Variants in CACNG4 observed in about 807,000 individuals in gnomAD.
CACNG4 encodes calcium voltage-gated channel auxiliary subunit gamma 4, also known as voltage-dependent calcium channel gamma-4 subunit.
In CACNG4, 8 loss-of-function variants were observed where a neutral mutation model predicts 22.9. The observed-to-expected ratio is 0.35, with a 90% confidence interval of 0.21 to 0.63. The LOEUF is 0.63. Among genes scored for constraint, CACNG4 ranks in the 30% least tolerant of loss-of-function variants. CACNG4 has a pLI of 0.72. For missense variants in CACNG4, 357 were observed against 455.4 expected, an observed-to-expected ratio of 0.78 and a Z score of 1.97; for synonymous variants, 188 against 191.9, an observed-to-expected ratio of 0.98 and a Z score of 0.17.
chr17:67,026,124 T>C (rs962618415), intron 3 of CACNG4, among the ~76,000 whole-genome samples: 13 of 149,974 alleles, frequency 8.7e-5, no homozygotes, highest in Admixed American at 5.3e-4. Flanking sequence ...TGTGTGTGTA[T>C]TTGAGGACTG....
chr17:67,031,442 T>C lies in CACNG4; in HGVS notation c.*438T>C, dbSNP rs1388464814. Reference sequence around the variant, plus strand: ...GCTCTGCCGGACGCCAAGAAGACGGTCTCTGGGCTCTTGTCAGCTGCTTTT... The same window carrying C: ...GCTCTGCCGGACGCCAAGAAGACGGCCTCTGGGCTCTTGTCAGCTGCTTTT... On this transcript the variant is annotated 3_prime_UTR_variant, in exon 4 of 4. Transcript: ENST00000262138. The surrounding 1 kb of genome is among the most constrained non-coding windows in gnomAD (Gnocchi z 4.0). 8.7e-6 allele frequency: 4 copies of C among 460,102 alleles called. No homozygotes were observed. The highest frequency in any genetic ancestry group is 3.2e-4 in the Middle Eastern group (1 of 3,108). The allele number at this position is 460,102 out of a possible 1,614,324, so 28.5% of individuals were successfully genotyped here.
intron 1 of CACNG4, among the ~76,000 whole-genome samples, chr17:66,966,690 GCTT>G (rs1276107821): frequency 3.9e-5 from 6 of 152,178 alleles, no homozygotes; most frequent in Admixed American, 1.3e-4. Context: ...AAAAGAGGCT[GCTT>G]TGCCCTTTGC....
intron 1 of CACNG4, among the ~76,000 whole-genome samples, chr17:66,974,382 A>G (rs967413647): frequency 6.6e-6 from 1 of 152,232 alleles, no homozygotes; most frequent in Admixed American, 6.5e-5. Flanking sequence ...ACATTCTGTT[A>G]AAATGGACTC....
At chr17:66,981,742 A>G (rs903721719) in intron 1 of CACNG4, among the ~76,000 whole-genome samples, 1 of 152,196 alleles carries the variant, frequency 6.6e-6, no homozygotes, top group Admixed American at 6.5e-5. Flanking sequence ...AGAATTATGA[A>G]TAGTTTAAAA....
At chr17:66,986,423 C>T (rs2035306112) in intron 1 of CACNG4, among the ~76,000 whole-genome samples, 1 of 152,030 alleles carries the variant, frequency 6.6e-6, no homozygotes, top group South Asian at 2.1e-4. Context: ...GGGGATGAGT[C>T]CTGAATTAGG....
At chr17:67,007,813 A>G (rs1488151912) in intron 1 of CACNG4, among the ~76,000 whole-genome samples, 1 of 152,204 alleles carries the variant, frequency 6.6e-6, no homozygotes, top group Non-Finnish European at 1.5e-5. Flanking sequence ...GTAACAGTCC[A>G]AATGGGTGGC....
intron 1 of CACNG4, among the ~76,000 whole-genome samples, chr17:67,009,726 T>C (rs1352303345): frequency 1.3e-5 from 2 of 152,184 alleles, no homozygotes; most frequent in East Asian, 1.9e-4. Context: ...TCCTGGTTTA[T>C]AGACGGTGCC....
chr17:67,002,192 G>A (rs187400983), intron 1 of CACNG4, among the ~76,000 whole-genome samples: 26 of 152,306 alleles, frequency 1.7e-4, no homozygotes, highest in South Asian at 6.2e-4. Context: ...ACAAAGGCAC[G>A]TCTTACATGG....
At chr17:66,999,374 T>A (rs901770424) in intron 1 of CACNG4, among the ~76,000 whole-genome samples, 7 of 152,208 alleles carry the variant, frequency 4.6e-5, no homozygotes, top group African/African-American at 1.4e-4. Context: ...TCCTGTGTTC[T>A]GTATCCATCT....
At chr17:67,028,151 G>A (rs2035579400) in intron 3 of CACNG4, among the ~76,000 whole-genome samples, 1 of 152,196 alleles carries the variant, frequency 6.6e-6, no homozygotes, top group Non-Finnish European at 1.5e-5. Flanking sequence ...CAGGACTGCT[G>A]GACCCCTTAG....
chr17:67,031,392 T>C lies in CACNG4; in HGVS notation c.*388T>C, dbSNP rs372355692. 19 of 466,824 alleles carry C rather than the reference T, an allele frequency of 4.1e-5. No homozygotes were observed. Among genetic ancestry groups the C allele is most frequent in the South Asian group, 1.9e-4 (12 of 64,660 alleles). The allele number at this position is 466,824 out of a possible 1,614,324, so 28.9% of individuals were successfully genotyped here. A position where few individuals can be genotyped will look rare whatever the true frequency, so the allele number is the denominator to read the frequency against. Reference sequence around the variant, plus strand: ...ACGGGATTTCAGGGCCTTCCCTCCCTGCCTGGGTGTCGGGCCACCAGAAGG... The same window carrying C: ...ACGGGATTTCAGGGCCTTCCCTCCCCGCCTGGGTGTCGGGCCACCAGAAGG... On this transcript the variant is annotated 3_prime_UTR_variant, in exon 4 of 4. Coordinates refer to ENST00000262138, the MANE Select transcript of CACNG4 (RefSeq NM_014405.4). This position sits in a 1 kb window ranked among gnomAD's most constrained non-coding sequence, Gnocchi z 4.0.
chr17:66,994,902 G>A (rs1454697187), intron 1 of CACNG4, among the ~76,000 whole-genome samples: 2 of 152,172 alleles, frequency 1.3e-5, no homozygotes, highest in African/African-American at 4.8e-5. Flanking sequence ...GTAGGAGGAG[G>A]ACTGGAGCCA....
chr17:66,990,387 C>A (rs2035331896), intron 1 of CACNG4, among the ~76,000 whole-genome samples: 1 of 152,138 alleles, frequency 6.6e-6, no homozygotes. Context: ...ACAACAGAGT[C>A]TTATATTACG....
Position 66,964,790 on chromosome 17 carries a change from C to T in CACNG4, c.-122C>T. On this transcript the variant is annotated 5_prime_UTR_variant, in exon 1 of 4. Transcript: ENST00000262138. The stretch of plus-strand genomic sequence containing the variant: ...GGGCGCGGGGTCGGAGCGCGCAGCG[C>T]GGCGCCGCCCCCCGGCCCTCGGCCC... 1 of 278,904 alleles carries T rather than the reference C, an allele frequency of 3.6e-6. No individual in the cohort carries two copies. Among genetic ancestry groups the T allele is most frequent in the South Asian group, 1.4e-4 (1 of 7,200 alleles). The allele number at this position is 278,904 out of a possible 1,614,324, so 17.3% of individuals were successfully genotyped here. A position where few individuals can be genotyped will look rare whatever the true frequency, so the allele number is the denominator to read the frequency against.
rs886207102 is a variant in CACNG4, at chr17:67,031,390, C to T, written c.*386C>T. On this transcript the variant is annotated 3_prime_UTR_variant, in exon 4 of 4. Transcript: ENST00000262138. The surrounding 1 kb of genome is among the most constrained non-coding windows in gnomAD (Gnocchi z 4.0). ...AAACGGGATTTCAGGGCCTTCCCTC[C>T]CTGCCTGGGTGTCGGGCCACCAGAA... 1.3e-5 allele frequency: 6 copies of T among 467,924 alleles called. No individual in the cohort carries two copies. Among genetic ancestry groups the T allele is most frequent in the Non-Finnish European group, 2.6e-5 (6 of 234,890 alleles). The allele number at this position is 467,924 out of a possible 1,614,324, so 29.0% of individuals were successfully genotyped here.
chr17:66,970,553 G>A (rs1157655152), intron 1 of CACNG4, among the ~76,000 whole-genome samples: 1 of 152,126 alleles, frequency 6.6e-6, no homozygotes, highest in Non-Finnish European at 1.5e-5. Context: ...ACCAGGGCAG[G>A]GTTTCTCAGC....
chr17:67,032,476 TAAC>T lies in CACNG4; in HGVS notation c.*1473_*1475del, dbSNP rs1488175261. ...TCCTGGTAGCTGTTGTGCTTGGAAA[TAAC>T]GAGCGCATCCTTGCCTCAGCTACCT... On this transcript the variant is annotated 3_prime_UTR_variant, in exon 4 of 4. Coordinates refer to ENST00000262138, the MANE Select transcript of CACNG4 (RefSeq NM_014405.4). The T allele has an allele frequency of 5.9e-6, 1 of 168,286 alleles. No homozygotes were observed. The highest frequency in any genetic ancestry group is 2.4e-5 in the African/African-American group (1 of 41,566). 10.4% of individuals were successfully genotyped at this position (168,286 alleles called of 1,614,324 possible).
intron 1 of CACNG4, among the ~76,000 whole-genome samples, chr17:66,990,773 C>T (rs974118794): frequency 4.6e-5 from 7 of 152,060 alleles, no homozygotes; most frequent in African/African-American, 1.4e-4. Flanking sequence ...CTCCGCCTCA[C>T]GGATTCACAC....
intron 3 of CACNG4, among the ~76,000 whole-genome samples, chr17:67,026,059 G>T (rs954040943): frequency 1.3e-5 from 2 of 151,964 alleles, no homozygotes; most frequent in African/African-American, 4.8e-5. Context: ...TGTGTGTGGT[G>T]TATGTGTGTG....
Sources: gnomAD v4.1 joint callset for allele counts (sites outside exome capture counted in the v4.1 genomes callset) on GRCh38, gnomAD v4.1.1 for gene constraint, Gnocchi (gnomAD v3.1) non-coding constraint, MANE v1.5 for transcripts, NCBI Gene and HGNC (gene_info 2026-07-23, HGNC 2026-07-21) for gene names.